MGST1: variants seen among roughly 807,000 people sequenced by gnomAD.
The protein encoded by MGST1 is microsomal glutathione S-transferase 1, also known as glutathione S-transferase 12.
Under a neutral mutation model 8.9 loss-of-function variants are expected in MGST1, and 5 were observed. The ratio of observed to expected loss-of-function variants is 0.56; its 90% CI spans 0.29 to 1.19. The LOEUF is 1.19. Ranked by LOEUF, MGST1 falls within the 50% of genes most tolerant of loss-of-function variation. The probability of loss-of-function intolerance (pLI) is 0.08; values close to 1 mark genes in which losing one functional copy is unlikely to be tolerated. For synonymous variants in MGST1, 54 were observed against 67.8 expected, an observed-to-expected ratio of 0.80 and a Z score of 1.00; for missense variants, 182 against 187.4, an observed-to-expected ratio of 0.97 and a Z score of 0.17.
chr12:16,555,504 G>C lies in MGST1; in HGVS notation n.483-34024G>C, dbSNP rs1034665200. On this transcript the variant is annotated intron_variant and non_coding_transcript_variant, in intron 4 of 4. Coordinates refer to the MGST1 transcript ENST00000538857. The surrounding 1 kb of genome is among the most constrained non-coding windows in gnomAD (Gnocchi z 5.5). ...AACTGTACTACCACTTAAGGTGTGT[G>C]GTCAATAAAAATTGGTTAAGGTAGA... Among the ~76,000 whole-genome samples the C allele has an allele frequency of 1.3e-5, 2 of 152,052 alleles. No individual in the cohort carries two copies. Among genetic ancestry groups the C allele is most frequent in the Non-Finnish European group, 2.9e-5 (2 of 68,010 alleles).
downstream of MGST1, among the ~76,000 whole-genome samples, chr12:16,590,067 C>T (rs1035973177): frequency 6.6e-6 from 1 of 152,014 alleles, no homozygotes; most frequent in East Asian, 1.9e-4. Context: ...ATATCCCAGC[C>T]CATTTTATAA....
intron 4 of MGST1, among the ~76,000 whole-genome samples, chr12:16,512,680 A>G (rs1941584561): frequency 6.6e-6 from 1 of 152,240 alleles, no homozygotes; most frequent in Admixed American, 6.5e-5. Flanking sequence ...CAGGTCCCCT[A>G]ATATGGACTG....
At chr12:16,518,188 CA>C (rs1941626385) in intron 4 of MGST1, among the ~76,000 whole-genome samples, 1 of 152,180 alleles carries the variant, frequency 6.6e-6, no homozygotes, top group Non-Finnish European at 1.5e-5. Context: ...TCATCTTCTC[CA>C]ACTCTGCTAT....
intron 1 of MGST1, among the ~76,000 whole-genome samples, chr12:16,432,789 A>G (rs1276087638): frequency 6.6e-6 from 1 of 151,864 alleles, no homozygotes. Flanking sequence ...GGCTGTGTAG[A>G]TAAATAGAGA....
At chr12:16,468,207 T>C (rs1297997770) in intron 4 of MGST1, among the ~76,000 whole-genome samples, 2 of 152,144 alleles carry the variant, frequency 1.3e-5, no homozygotes, top group Non-Finnish European at 2.9e-5. Context: ...TAAGAACGAA[T>C]GTTATTTAAC....
intron 4 of MGST1, among the ~76,000 whole-genome samples, chr12:16,530,162 C>T (rs1170103771): frequency 3.3e-5 from 5 of 151,958 alleles, no homozygotes; most frequent in African/African-American, 7.3e-5. Context: ...TCATATAAAA[C>T]GTTAATAAAA....
At chr12:16,388,148 T>C (rs1470068956) in intron 1 of MGST1, among the ~76,000 whole-genome samples, 4 of 151,708 alleles carry the variant, frequency 2.6e-5, no homozygotes, top group Admixed American at 2.6e-4. Context: ...GCCATAAAAG[T>C]GATGACAAAA....
At chr12:16,388,922 C>T (rs574264112) in intron 1 of MGST1, among the ~76,000 whole-genome samples, 1 of 152,322 alleles carries the variant, frequency 6.6e-6, no homozygotes, top group Non-Finnish European at 1.5e-5. Context: ...TGAGCAACTA[C>T]ACTGAATCTC....
At chr12:16,456,222 G>T (rs560109934) in intron 4 of MGST1, among the ~76,000 whole-genome samples, 5 of 151,750 alleles carry the variant, frequency 3.3e-5, no homozygotes, top group Non-Finnish European at 5.9e-5. Flanking sequence ...AATATGTAGT[G>T]TTCCTATTTT....
At chr12:16,526,096 C>T (rs1210340369) in intron 4 of MGST1, among the ~76,000 whole-genome samples, 3 of 146,278 alleles carry the variant, frequency 2.1e-5, no homozygotes. Context: ...TTGTAGGTTG[C>T]CTGTTCACTC....
intron 1 of MGST1, among the ~76,000 whole-genome samples, chr12:16,430,820 C>G (rs1940932248): frequency 6.6e-6 from 1 of 152,138 alleles, no homozygotes. Flanking sequence ...GCATTAGCCT[C>G]TAACAAGACA....
At position 16,548,400 on chromosome 12, in the gene MGST1, T is replaced by C. The variant is rs1019771855; in HGVS notation, n.483-41128T>C. 6.6e-6 allele frequency: 1 copy of C among 152,098 alleles called. No homozygotes were observed. The highest frequency in any genetic ancestry group is 1.5e-5 in the Non-Finnish European group (1 of 67,998). 9.4% of individuals were successfully genotyped at this position (152,098 alleles called of 1,614,324 possible). The stretch of plus-strand genomic sequence containing the variant: ...TGTAACACCCCTTTTATTAAAAACA[T>C]AAATCCAAATGTAAAAAAGTGAATG... On this transcript the variant is annotated intron_variant and non_coding_transcript_variant, in intron 4 of 4. Coordinates refer to the MGST1 transcript ENST00000538857. This position sits in a 1 kb window ranked among gnomAD's most constrained non-coding sequence, Gnocchi z 4.2.
At chr12:16,521,216 T>G (rs1240814869) in intron 4 of MGST1, among the ~76,000 whole-genome samples, 1 of 152,074 alleles carries the variant, frequency 6.6e-6, no homozygotes, top group African/African-American at 2.4e-5. Flanking sequence ...AAGAAATGAT[T>G]CGTGTGAGGA....
rs896593718 is a variant in MGST1, at chr12:16,544,999, C to G, written n.483-44529C>G. Among the ~76,000 whole-genome samples the G allele has an allele frequency of 1.3e-5, 2 of 151,916 alleles. No homozygotes were observed. The highest frequency in any genetic ancestry group is 4.8e-5 in the African/African-American group (2 of 41,392). The stretch of plus-strand genomic sequence containing the variant: ...CTAAATTTTTAAAGGAATTACTAAT[C>G]TTAGAAAGATATAAAACAAATATAG... On this transcript the variant is annotated intron_variant and non_coding_transcript_variant, in intron 4 of 4. Transcript: ENST00000538857. This position sits in a 1 kb window ranked among gnomAD's most constrained non-coding sequence, Gnocchi z 4.8.
At chr12:16,412,954 T>C (rs545156843) in intron 1 of MGST1, among the ~76,000 whole-genome samples, 2 of 152,138 alleles carry the variant, frequency 1.3e-5, no homozygotes, top group Non-Finnish European at 2.9e-5. Flanking sequence ...GAAAAGGCTC[T>C]TGATTCAAGA....
At chr12:16,579,058 C>T (rs1943081653) in intron 4 of MGST1, among the ~76,000 whole-genome samples, 1 of 152,060 alleles carries the variant, frequency 6.6e-6, no homozygotes, top group African/African-American at 2.4e-5. Context: ...CTTTTCCAAC[C>T]CAAACACTCT....
chr12:16,480,965 C>T (rs1941360699), intron 4 of MGST1, among the ~76,000 whole-genome samples: 1 of 151,982 alleles, frequency 6.6e-6, no homozygotes, highest in Non-Finnish European at 1.5e-5. Context: ...TGTTTAAAAA[C>T]ATTTTTTAAA....
In MGST1 at chr12:16,537,194, G is replaced by C. The variant is rs908393413; in HGVS notation, n.483-52334G>C. 6.6e-6 allele frequency among the ~76,000 whole-genome samples: 1 copy of C among 152,178 alleles called. No individual in the cohort carries two copies. The highest frequency in any genetic ancestry group is 6.5e-5 in the Admixed American group (1 of 15,280). On this transcript the variant is annotated intron_variant and non_coding_transcript_variant, in intron 4 of 4. Coordinates refer to the MGST1 transcript ENST00000538857. This position sits in a 1 kb window ranked among gnomAD's most constrained non-coding sequence, Gnocchi z 4.6. ...GGGATTACAGGGCCCATCCAAGTCTGAAATCCAGTGGGGCAGTCAAATTTT... is the reference window on the plus strand; with the variant it reads ...GGGATTACAGGGCCCATCCAAGTCTCAAATCCAGTGGGGCAGTCAAATTTT...
At chr12:16,464,213 C>T (rs1367308425) in intron 4 of MGST1, among the ~76,000 whole-genome samples, 2 of 152,170 alleles carry the variant, frequency 1.3e-5, no homozygotes, top group African/African-American at 4.8e-5. Flanking sequence ...CTATGAAACA[C>T]TAAATGTAGC....
Sources: gnomAD v4.1 joint callset for allele counts (sites outside exome capture counted in the v4.1 genomes callset) on GRCh38, gnomAD v4.1.1 for gene constraint, Gnocchi (gnomAD v3.1) non-coding constraint, MANE v1.5 for transcripts, NCBI Gene and HGNC (gene_info 2026-07-23, HGNC 2026-07-21) for gene names.